Variants in SLC35F1 observed in about 807,000 individuals in gnomAD.
The protein encoded by SLC35F1 is solute carrier family 35 member F1.
Under a neutral mutation model 48.7 loss-of-function variants are expected in SLC35F1, and 14 were observed. That is an observed-to-expected ratio of 0.29 (90% confidence interval 0.19 to 0.45). The LOEUF is 0.45. Among genes scored for constraint, SLC35F1 ranks in the 20% least tolerant of loss-of-function variants. The pLI is 1.00. For missense variants in SLC35F1, 404 were observed against 500.0 expected, an observed-to-expected ratio of 0.81 and a Z score of 1.83; for synonymous variants, 190 against 202.2, an observed-to-expected ratio of 0.94 and a Z score of 0.51.
At chr6:118,026,019 G>A (rs1771935869) in intron 1 of SLC35F1, among the ~76,000 whole-genome samples, 1 of 152,158 alleles carries the variant, frequency 6.6e-6, no homozygotes, top group Admixed American at 6.6e-5. Flanking sequence ...TCTGCTAGGT[G>A]CTGTGGGAGA....
At chr6:117,994,410 T>G (rs1776958757) in intron 1 of SLC35F1, among the ~76,000 whole-genome samples, 1 of 152,138 alleles carries the variant, frequency 6.6e-6, no homozygotes, top group African/African-American at 2.4e-5. Flanking sequence ...AAAGTCCCTT[T>G]TGCCATATAA....
At chr6:118,062,449 A>G (rs1772554699) in intron 1 of SLC35F1, among the ~76,000 whole-genome samples, 1 of 152,194 alleles carries the variant, frequency 6.6e-6, no homozygotes, top group Non-Finnish European at 1.5e-5. Flanking sequence ...GCAATGCATA[A>G]TAATTACATC....
At chr6:118,222,451 T>C (rs1046195164) in intron 2 of SLC35F1, among the ~76,000 whole-genome samples, 3 of 152,146 alleles carry the variant, frequency 2.0e-5, no homozygotes, top group African/African-American at 7.2e-5. Context: ...GGTTGTCTCT[T>C]TCTTTGTAAT....
At chr6:118,288,012 T>TTTG (rs201925187) in intron 7 of SLC35F1, among the ~76,000 whole-genome samples, 25,052 of 103,588 alleles carry the variant, frequency 0.24, 1,993 homozygotes, top group African/African-American at 0.31. Context: ...ATGATTTGGG[T>TTTG]TTTTTTTTTT....
At position 118,088,644 on chromosome 6, in the gene SLC35F1, TG is replaced by T. The variant is rs150876729; in HGVS notation, c.174-65799del. Among the ~76,000 whole-genome samples, 732 of 152,254 alleles carry T rather than the reference TG, an allele frequency of 4.8e-3. 5 individuals carry two copies. Among genetic ancestry groups the T allele is most frequent in the African/African-American group, 0.017 (692 of 41,552 alleles). ...TAGGACGTCTTAAAACAGAGTAAGG[TG>T]GCAGTAGAAGGTGTGAGGGGTGAGA... On this transcript the variant is annotated intron_variant, in intron 1 of 7. Coordinates refer to ENST00000360388, the MANE Select transcript of SLC35F1 (RefSeq NM_001029858.4).
chr6:118,152,269 C>T (rs1423333317), intron 1 of SLC35F1, among the ~76,000 whole-genome samples: 2 of 152,146 alleles, frequency 1.3e-5, no homozygotes, highest in Non-Finnish European at 2.9e-5. Flanking sequence ...GTGCAAGTAG[C>T]TCTGTAAGGC....
chr6:117,929,074 A>C (rs1320182507), intron 1 of SLC35F1, among the ~76,000 whole-genome samples: 1 of 151,930 alleles, frequency 6.6e-6, no homozygotes, highest in Non-Finnish European at 1.5e-5. Flanking sequence ...AGATGCAAGA[A>C]CCCTCACCCA....
chr6:118,296,076 CA>C, intron 7 of SLC35F1, among the ~76,000 whole-genome samples: 1 of 152,274 alleles, frequency 6.6e-6, no homozygotes, highest in East Asian at 1.9e-4. Context: ...GTGGCTCTGC[CA>C]TCCTCTAGTG....
rs139895126 is a variant in SLC35F1, at chr6:118,090,623, G to T, written c.174-63822G>T. ...TGAAGAACAGTGAGAAGGAGATGAG[G>T]CTGAAGCCTGGTGAGGGAGGAGAGG... On this transcript the variant is annotated intron_variant, in intron 1 of 7. Transcript: ENST00000360388. 5.3e-3 allele frequency among the ~76,000 whole-genome samples: 803 copies of T among 152,176 alleles called. 5 individuals are homozygous for T. The highest frequency in any genetic ancestry group is 0.017 in the Middle Eastern group (5 of 294).
At chr6:118,293,533 A>G (rs946947405) in intron 7 of SLC35F1, among the ~76,000 whole-genome samples, 1 of 152,176 alleles carries the variant, frequency 6.6e-6, no homozygotes, top group Non-Finnish European at 1.5e-5. Flanking sequence ...CTCTTACCTC[A>G]TAAAGTAATA....
chr6:118,300,750 A>G (rs1776246178), intron 7 of SLC35F1, among the ~76,000 whole-genome samples: 1 of 152,212 alleles, frequency 6.6e-6, no homozygotes, highest in Non-Finnish European at 1.5e-5. Context: ...TTAGATTGCT[A>G]AGTACTAACT....
intron 2 of SLC35F1, among the ~76,000 whole-genome samples, chr6:118,207,637 G>A (rs1774952841): frequency 1.3e-5 from 2 of 152,180 alleles, no homozygotes; most frequent in Admixed American, 1.3e-4. Flanking sequence ...GAGGAAAGTT[G>A]AAGGACAATG....
intron 2 of SLC35F1, among the ~76,000 whole-genome samples, chr6:118,232,976 T>G (rs1268824287): frequency 6.6e-6 from 1 of 151,708 alleles, no homozygotes; most frequent in South Asian, 2.1e-4. Flanking sequence ...TTTCTGGTTT[T>G]TTTTTTTTTA....
chr6:118,008,553 G>A (rs1399277156), intron 1 of SLC35F1, among the ~76,000 whole-genome samples: 3 of 152,176 alleles, frequency 2.0e-5, no homozygotes, highest in Non-Finnish European at 4.4e-5. Context: ...CAGAATATTG[G>A]GCTAGACGGT....
intron 1 of SLC35F1, among the ~76,000 whole-genome samples, chr6:118,062,272 T>A: frequency 6.6e-6 from 1 of 152,174 alleles, no homozygotes; most frequent in East Asian, 1.9e-4. Flanking sequence ...TTTTCTGAGG[T>A]CACATATTTT....
chr6:117,924,732 T>C (rs925212906), intron 1 of SLC35F1, among the ~76,000 whole-genome samples: 18 of 152,070 alleles, frequency 1.2e-4, no homozygotes, highest in African/African-American at 4.1e-4. Context: ...TTTTATCCAG[T>C]GTGATGTGAT....
At chr6:117,995,731 A>G (rs1776976915) in intron 1 of SLC35F1, among the ~76,000 whole-genome samples, 1 of 152,086 alleles carries the variant, frequency 6.6e-6, no homozygotes, top group Admixed American at 6.6e-5. Context: ...ACAGAGCAAG[A>G]CTCTGTCTCG....
chr6:118,122,549 A>G (rs1337706928), intron 1 of SLC35F1, among the ~76,000 whole-genome samples: 1 of 152,258 alleles, frequency 6.6e-6, no homozygotes, highest in Non-Finnish European at 1.5e-5. Context: ...TGAGATGTGC[A>G]TGATAAAGAA....
intron 1 of SLC35F1, among the ~76,000 whole-genome samples, chr6:117,971,923 A>G (rs1384419381): frequency 6.6e-6 from 1 of 152,122 alleles, no homozygotes; most frequent in Non-Finnish European, 1.5e-5. Context: ...TGCCCTGGAG[A>G]CATTTTCCCT....
Sources: allele counts gnomAD v4.1 joint callset (sites outside exome capture counted in the v4.1 genomes callset), GRCh38; gene constraint gnomAD v4.1.1; transcripts MANE v1.5; gene names NCBI Gene and HGNC (gene_info 2026-07-23, HGNC 2026-07-21).